Variants in CLEC16A observed in about 807,000 individuals in gnomAD.
CLEC16A encodes protein CLEC16A.
CLEC16A carries 51 observed loss-of-function variants against 109.5 expected under a neutral mutation model. That is an observed-to-expected ratio of 0.47 (90% CI 0.37 to 0.59). The LOEUF (loss-of-function observed/expected upper bound fraction) is 0.59, where lower values mean the gene tolerates loss of function less well. Ranked by LOEUF, CLEC16A falls within the 20% of genes least tolerant of loss-of-function variation. The pLI is 0.00. For synonymous variants in CLEC16A, 673 were observed against 564.2 expected, an observed-to-expected ratio of 1.19 and a Z score of -2.73; for missense variants, 1,339 against 1,394.0, an observed-to-expected ratio of 0.96 and a Z score of 0.63.
chr16:11,135,029 G>T (rs1351291994), intron 22 of CLEC16A, among the ~76,000 whole-genome samples: 19 of 152,264 alleles, frequency 1.2e-4, no homozygotes, highest in Admixed American at 1.2e-3. Context: ...GGCTAGCGGT[G>T]CAGGGCTCGT....
rs980714563 is a variant in CLEC16A, at chr16:10,961,444, G to A, written c.210-1011G>A. Among the ~76,000 whole-genome samples the A allele has an allele frequency of 6.6e-6, 1 of 152,150 alleles. No individual in the cohort carries two copies. The highest frequency in any genetic ancestry group is 6.5e-5 in the Admixed American group (1 of 15,268). On this transcript the variant is annotated intron_variant, in intron 2 of 23. Transcript: ENST00000409790. This position sits in a 1 kb window ranked among gnomAD's most constrained non-coding sequence, Gnocchi z 4.3. ...CGCAGGCACACCTCATTTCTTCCAA[G>A]TGTCCCAGATGCAAGATTATCTGGT...
At chr16:11,010,099 A>G (rs1015269296) in intron 11 of CLEC16A, among the ~76,000 whole-genome samples, 2 of 152,080 alleles carry the variant, frequency 1.3e-5, no homozygotes, top group African/African-American at 4.8e-5. Flanking sequence ...GCTACAGTGA[A>G]CTGTGATCGT....
intron 11 of CLEC16A, among the ~76,000 whole-genome samples, chr16:11,018,681 G>A (rs112021459): frequency 1.5e-3 from 228 of 150,636 alleles, no homozygotes; most frequent in African/African-American, 5.4e-3. Context: ...CCTGGGAGGC[G>A]GAGCTTGCAG....
chr16:11,073,181 G>A (rs556905545), intron 19 of CLEC16A, among the ~76,000 whole-genome samples: 8 of 152,292 alleles, frequency 5.3e-5, no homozygotes, highest in African/African-American at 1.9e-4. Context: ...GTGTGGTTTT[G>A]TGGCACTTTG....
At chr16:11,097,204 A>G (rs550973418) in intron 19 of CLEC16A, among the ~76,000 whole-genome samples, 110 of 152,226 alleles carry the variant, frequency 7.2e-4, no homozygotes, top group Non-Finnish European at 1.4e-3. Flanking sequence ...TTCTTTGCCA[A>G]TTGCCAAGTT....
chr16:11,158,716 A>G (rs2054617701), intron 22 of CLEC16A, among the ~76,000 whole-genome samples: 1 of 152,112 alleles, frequency 6.6e-6, no homozygotes, highest in Admixed American at 6.6e-5. Context: ...TTAGGTCAGG[A>G]GTTCGAGGCC....
chr16:11,004,887 A>C (rs1001787300), intron 11 of CLEC16A, among the ~76,000 whole-genome samples: 2 of 152,106 alleles, frequency 1.3e-5, no homozygotes, highest in Non-Finnish European at 2.9e-5. Context: ...AATAAATATC[A>C]CTGTGGTGGG....
rs1161874054 is a variant in CLEC16A at position 11,044,734 on chromosome 16, C to T, written c.1815+662C>T. 3.3e-5 allele frequency among the ~76,000 whole-genome samples: 5 copies of T among 151,408 alleles called. 1 individual carries two copies. Among genetic ancestry groups the T allele is most frequent in the Admixed American group, 3.3e-4 (5 of 15,224 alleles). On this transcript the variant is annotated intron_variant, in intron 16 of 23. Coordinates refer to ENST00000409790, the MANE Select transcript of CLEC16A (RefSeq NM_015226.3). ...TCACCTGAGGTCGGGAGTTTAAGAC[C>T]AGCCTGACCAACATGGAGAAACCCC... is the stretch of plus-strand genomic sequence containing the variant.
intron 13 of CLEC16A, among the ~76,000 whole-genome samples, chr16:11,026,610 G>A (rs2046414041): frequency 7.7e-6 from 1 of 130,538 alleles, no homozygotes; most frequent in Non-Finnish European, 1.7e-5. Flanking sequence ...TGCTGTTTTT[G>A]ATTTTGTTGA....
At chr16:11,153,566 C>T (rs1001169931) in intron 22 of CLEC16A, among the ~76,000 whole-genome samples, 1 of 150,316 alleles carries the variant, frequency 6.7e-6, no homozygotes, top group African/African-American at 2.5e-5. Flanking sequence ...TCTAAGTATA[C>T]ATACTAGATA....
At chr16:11,114,449 C>T (rs2051830265) in intron 19 of CLEC16A, among the ~76,000 whole-genome samples, 1 of 152,098 alleles carries the variant, frequency 6.6e-6, no homozygotes, top group African/African-American at 2.4e-5. Flanking sequence ...CTTGCCATGG[C>T]CACTCCTGAG....
intron 19 of CLEC16A, among the ~76,000 whole-genome samples, chr16:11,111,176 T>C (rs1284996840): frequency 6.6e-6 from 1 of 152,226 alleles, no homozygotes; most frequent in Non-Finnish European, 1.5e-5. Flanking sequence ...ATCACAATTA[T>C]CTATTGCTGA....
rs112299876 is a variant in CLEC16A at position 11,170,948 on chromosome 16, G to A, written c.2806+4396G>A. On this transcript the variant is annotated intron_variant, in intron 23 of 23. Transcript: ENST00000409790. ...CTGCAGATGACAGCCGGGGGATGAG[G>A]GGTTGGTGAGGCCCTGGTCCGTGAG... Among the ~76,000 whole-genome samples the A allele has an allele frequency of 1.6e-3, 249 of 152,284 alleles. 3 individuals are homozygous for A. Among genetic ancestry groups the A allele is most frequent in the African/African-American group, 5.8e-3 (240 of 41,548 alleles).
At chr16:11,006,658 G>A (rs1180417195) in intron 11 of CLEC16A, among the ~76,000 whole-genome samples, 1 of 152,204 alleles carries the variant, frequency 6.6e-6, no homozygotes, top group Non-Finnish European at 1.5e-5. Flanking sequence ...TGGTCACGAG[G>A]CACAGTTTTG....
intron 18 of CLEC16A, among the ~76,000 whole-genome samples, chr16:11,051,891 G>A (rs1028412804): frequency 6.6e-6 from 1 of 152,260 alleles, no homozygotes; most frequent in Non-Finnish European, 1.5e-5. Context: ...GCCTTCACCA[G>A]TGCAGACAGA....
intron 19 of CLEC16A, among the ~76,000 whole-genome samples, chr16:11,106,747 T>A (rs2051247091): frequency 6.6e-6 from 1 of 152,106 alleles, no homozygotes; most frequent in Non-Finnish European, 1.5e-5. Flanking sequence ...TCAGTACCCT[T>A]CTCCCCAAAT....
At position 11,160,222 on chromosome 16, in the gene CLEC16A, C is replaced by T. The variant is rs539151884; in HGVS notation, c.2642-6166C>T. 7.2e-5 allele frequency among the ~76,000 whole-genome samples: 11 copies of T among 152,268 alleles called. No individual in the cohort carries two copies. The South Asian group carries it at 1.0e-3, about 14-fold the overall frequency. Reference sequence around the variant, plus strand: ...CCAACTCCAGGCAGGCCACAGAGGTCGGGGGGCGTCCCTGCTCATTTGGAG... The same window carrying T: ...CCAACTCCAGGCAGGCCACAGAGGTTGGGGGGCGTCCCTGCTCATTTGGAG... On this transcript the variant is annotated intron_variant, in intron 22 of 23. Transcript: ENST00000409790.
intron 8 of CLEC16A, among the ~76,000 whole-genome samples, chr16:10,977,827 TC>T (rs1286378342): frequency 6.6e-6 from 1 of 152,162 alleles, no homozygotes; most frequent in East Asian, 1.9e-4. Flanking sequence ...CAAGGGAGAT[TC>T]CTTTCAAAGC....
intron 19 of CLEC16A, among the ~76,000 whole-genome samples, chr16:11,092,795 A>C (rs2152967995): frequency 6.6e-6 from 1 of 152,316 alleles, no homozygotes; most frequent in East Asian, 1.9e-4. Flanking sequence ...CGAGCTTCTG[A>C]AACTCTGTGG....
Sources: gnomAD v4.1 joint callset for allele counts (sites outside exome capture counted in the v4.1 genomes callset) on GRCh38, gnomAD v4.1.1 for gene constraint, Gnocchi (gnomAD v3.1) non-coding constraint, MANE v1.5 for transcripts, NCBI Gene and HGNC (gene_info 2026-07-23, HGNC 2026-07-21) for gene names.